TONSL: variants seen among roughly 807,000 people sequenced by gnomAD.
TONSL encodes the protein tonsoku-like protein.
TONSL carries 112 observed loss-of-function variants against 147.1 expected under a neutral mutation model. The observed-to-expected ratio is 0.76, with a 90% CI of 0.65 to 0.89. The LOEUF is 0.89. Ranked by LOEUF, TONSL falls within the 40% of genes least tolerant of loss-of-function variation. The pLI is 0.00. For synonymous variants in TONSL, 868 were observed against 801.5 expected (o/e 1.08, Z -1.40); for missense variants, 1,883 against 1,864.6 (o/e 1.01, Z -0.18).
chr8:144,433,772 C>G lies in TONSL; in HGVS notation c.3388-13G>C. ...GCTCCTCCAAACTCTGTGGAAGACA[C>G]AGGCTGGCAGTGAGCCCCCAGCAGT... On this transcript the variant is annotated splice_polypyrimidine_tract_variant and intron_variant, in intron 21 of 25. Transcript: ENST00000409379. The G allele has an allele frequency of 6.4e-7, 1 of 1,551,188 alleles. No individual in the cohort carries two copies. The highest frequency in any genetic ancestry group is 8.7e-7 in the Non-Finnish European group (1 of 1,149,440).
At position 144,438,733 on chromosome 8, in the gene TONSL, C is replaced by A. The variant is rs1366536922; in HGVS notation, c.1483G>T (p.Asp495Tyr). ...AGEVELSEGE[D>Y]DTDGLTPQLE... ...TGCGGGGTCAGGCCATCGGTGTCGT[C>A]CTCTGGAACAGAGCCAAGCCCACCC... The change falls in exon 12 of 26, where the codon GAC becomes TAC. Residue 495 changes from aspartate to tyrosine, a missense_variant and splice_region_variant. Asp to Tyr is a radical substitution (Grantham distance 160). Transcript: ENST00000409379. 3.7e-6 allele frequency: 6 copies of A among 1,612,836 alleles called. No homozygotes were observed. Among genetic ancestry groups the A allele is most frequent in the Non-Finnish European group, 5.1e-6 (6 of 1,179,868 alleles).
In TONSL at chr8:144,436,049, G is replaced by T; in HGVS notation, c.2384C>A (p.Ala795Asp). 6.4e-7 allele frequency: 1 copy of T among 1,573,884 alleles called. No individual in the cohort carries two copies. The highest frequency in any genetic ancestry group is 8.6e-7 in the Non-Finnish European group (1 of 1,166,460). Residue 795 changes from alanine to aspartate, a missense_variant, in exon 17 of 26, where the codon GCC (alanine) becomes GAC (aspartate). By Grantham distance (126) the Ala-to-Asp change is moderately radical. Transcript: ENST00000409379. Reference protein sequence around the residue: ...ASTSRAAYQAAIRGVGSAQSR... With the variant: ...ASTSRAAYQADIRGVGSAQSR... ...CTGAGCACTGCCCACACCCCGGATG[G>T]CTGCCTGGTAGGCTGCCCGGCTGGT...
chr8:144,442,754 GT>G lies in TONSL; in HGVS notation c.500del (p.Asn167ThrfsTer69). ...LNEMRTRLYL[N>X]LGLTFESLQQ... The stretch of plus-strand genomic sequence containing the variant: ...GCAGGCTCTCAAAGGTGAGGCCCAG[GT>G]TGAGATAGAGGCGGGTCCTCATCTC... On this transcript the variant is annotated frameshift_variant, in exon 5 of 26. Transcript: ENST00000409379. LOFTEE classifies it high-confidence loss of function. The G allele has an allele frequency of 6.2e-7, 1 of 1,613,134 alleles. No homozygotes were observed. Among genetic ancestry groups the G allele is most frequent in the Non-Finnish European group, 8.5e-7 (1 of 1,179,962 alleles).
chr8:144,432,243 C>T, intron 23 of TONSL, 42 bp downstream of exon 23: 4 of 1,603,794 alleles, frequency 2.5e-6, no homozygotes, highest in Admixed American at 3.4e-5. Context: ...GACCTTTGGC[C>T]TCTGAGGCTC....
At chr8:144,439,402 G>A (rs931959408) in intron 11 of TONSL, among the ~76,000 whole-genome samples, 1 of 152,088 alleles carries the variant, frequency 6.6e-6, no homozygotes, top group Admixed American at 6.6e-5. Context: ...CAGCTGCCTG[G>A]CCACTCAGGG....
rs1360599755 is a variant in TONSL, at chr8:144,441,073, C to G, written c.904G>C (p.Ala302Pro). Residue 302 changes from alanine to proline, a missense_variant, in exon 8 of 26, where the codon GCT (alanine) becomes CCT (proline). Ala to Pro is a conservative substitution (Grantham distance 27). Transcript: ENST00000409379. ...VVRLQQQLEEAEGRDPQGAMV... is the reference protein window; with the variant it reads ...VVRLQQQLEEPEGRDPQGAMV... ...GCACCCTGAGGGTCTCTGCCCTCAG[C>G]CTCTTCCAGCTGTTGCTGCAGCCGG... 1 of 1,612,896 alleles carries G rather than the reference C, an allele frequency of 6.2e-7. No homozygotes were observed.
Position 144,442,385 on chromosome 8 carries a change from G to A in TONSL, c.606C>T (p.Phe202=), listed in dbSNP as rs777095250. The change falls in exon 6 of 26, where the codon TTC becomes TTT. Residue 202 remains phenylalanine (F), a synonymous_variant. Coordinates refer to ENST00000409379, the MANE Select transcript of TONSL (RefSeq NM_013432.5). ...AEQNHLYEDL[F]RARYNLGTIH... is the part of the protein sequence containing the mutation. ...TGGTGCCCAGGTTGTAGCGGGCGCG[G>A]AATAGGTCCTCGTAAAGGTGGTTCT... The A allele has an allele frequency of 6.4e-7, 1 of 1,569,096 alleles. No individual in the cohort carries two copies. The highest frequency in any genetic ancestry group is 8.7e-7 in the Non-Finnish European group (1 of 1,153,850).
At chr8:144,436,720 A>G in intron 15 of TONSL, 37 bp downstream of exon 15, 1 of 1,611,044 alleles carries the variant, frequency 6.2e-7, no homozygotes, top group South Asian at 1.1e-5. Context: ...AGCAGCCCCC[A>G]TAACCTCGCC....
At chr8:144,439,756 T>C in intron 11 of TONSL, 1 of 506,738 alleles carries the variant, frequency 2.0e-6, no homozygotes, top group South Asian at 2.9e-5. Flanking sequence ...TGGCCCCAGA[T>C]GGCACGTGCC....
intron 4 of TONSL, 40 bp from the exon 5 acceptor site, chr8:144,442,846 C>T (rs181641120): frequency 1.9e-6 from 3 of 1,585,142 alleles, no homozygotes; most frequent in Non-Finnish European, 2.6e-6. Flanking sequence ...ACTTCCTCCC[C>T]ACATGGGGTT....
At chr8:144,431,983 A>C (rs1823219960) in intron 23 of TONSL, among the ~76,000 whole-genome samples, 1 of 150,900 alleles carries the variant, frequency 6.6e-6, no homozygotes, top group African/African-American at 2.4e-5. Flanking sequence ...ACCCGCCACC[A>C]CGCCTGGGTA....
chr8:144,443,357 T>TCCGCCTCAAGCAAAC, intron 3 of TONSL, 36 bp from the exon 4 acceptor site: 1 of 1,529,870 alleles, frequency 6.5e-7, no homozygotes, highest in Non-Finnish European at 8.8e-7. Flanking sequence ...GTGAGCCGAC[T>TCCGCCTCAAGCAAAC]CCGCCTCAAG....
chr8:144,429,370 CG>C lies in TONSL; in HGVS notation c.3944-35del, dbSNP rs1554878125. The C allele has an allele frequency of 5.1e-6, 7 of 1,362,238 alleles. No homozygotes were observed. The South Asian group carries it at 1.2e-4, about 23-fold the overall frequency. The allele number at this position is 1,362,238 out of a possible 1,614,324, so 84.4% of individuals were successfully genotyped here. On this transcript the variant is annotated intron_variant, in intron 25 of 25. Transcript: ENST00000409379. Reference sequence around the variant, plus strand: ...GGGAAGAGGGCAGACCTCAGCGCTGCGGGGGCCGGCGGCGTCCTGGTGCCCG... The same window carrying C: ...GGGAAGAGGGCAGACCTCAGCGCTGCGGGGCCGGCGGCGTCCTGGTGCCCG...
At position 144,443,919 on chromosome 8, in the gene TONSL, C is replaced by A. The variant is rs760464300; in HGVS notation, c.227G>T (p.Arg76Leu). ...CGGGTAGTCCTCCATCTCGGCCAGG[C>A]GCTCTCCGATCTTGCGGTGGGCCAC... is the stretch of plus-strand genomic sequence containing the variant. ...CAVAHRKIGE[R>L]LAEMEDYPAA... The change falls in exon 3 of 26, where the codon CGC becomes CTC. Residue 76 changes from arginine to leucine, a missense_variant. Coordinates refer to ENST00000409379, the MANE Select transcript of TONSL (RefSeq NM_013432.5). The A allele has an allele frequency of 5.2e-6, 8 of 1,545,224 alleles. No homozygotes were observed. Among genetic ancestry groups the A allele is most frequent in the Non-Finnish European group, 7.0e-6 (8 of 1,146,684 alleles).
chr8:144,432,154 CCTCTAA>C, intron 23 of TONSL, 125 bp downstream of exon 23: 2 of 1,064,468 alleles, frequency 1.9e-6, no homozygotes, highest in South Asian at 1.5e-5. Flanking sequence ...AACCTCCAAA[CCTCTAA>C]CTCTCTCTGT....
intron 13 of TONSL, 138 bp downstream of exon 13, chr8:144,438,333 G>C (rs1377234301): frequency 4.1e-5 from 33 of 805,406 alleles, no homozygotes; most frequent in Middle Eastern, 3.6e-4. Context: ...TAGGACCACA[G>C]GCAAGTGCCA....
intron 7 of TONSL, 116 bp from the exon 8 acceptor site, chr8:144,441,227 C>A: frequency 2.1e-6 from 3 of 1,409,586 alleles, no homozygotes; most frequent in Non-Finnish European, 2.9e-6. Context: ...CCTCTGCCTG[C>A]CTGTTGGTGT....
chr8:144,444,060 C>T (rs1186793520), intron 2 of TONSL, 36 bp from the exon 3 acceptor site: 13 of 1,472,940 alleles, frequency 8.8e-6, no homozygotes, highest in Admixed American at 2.1e-5. Flanking sequence ...GCAGGCGTCG[C>T]GGGTGCGAGG....
In TONSL at chr8:144,429,304, G is replaced by C; in HGVS notation, c.3976C>G (p.Leu1326Val). 6.7e-7 allele frequency: 1 copy of C among 1,491,688 alleles called. No homozygotes were observed. The highest frequency in any genetic ancestry group is 9.0e-7 in the Non-Finnish European group (1 of 1,116,350). The allele number at this position is 1,491,688 out of a possible 1,614,324, so 92.4% of individuals were successfully genotyped here. Residue 1326 changes from leucine to valine, a missense_variant, in exon 26 of 26, where the codon CTG (leucine) becomes GTG (valine). By Grantham distance (32) the Leu-to-Val change is conservative. Coordinates refer to ENST00000409379, the MANE Select transcript of TONSL (RefSeq NM_013432.5). The part of the protein sequence containing the change: ...CAVQGPLGLG[L>V]WDKIAAQLRE... The stretch of plus-strand genomic sequence containing the variant: ...AGCTGCGCGGCTATCTTGTCCCACA[G>C]GCCCAGGCCCAGGGGACCCTGGACG...
Sources: allele counts gnomAD v4.1 joint callset (sites outside exome capture counted in the v4.1 genomes callset), GRCh38; gene constraint gnomAD v4.1.1; transcripts MANE v1.5; gene names NCBI Gene and HGNC (gene_info 2026-07-23, HGNC 2026-07-21).